Variants in SLC6A15 observed in about 807,000 individuals in gnomAD.
The protein encoded by SLC6A15 is solute carrier family 6 member 15.
Under a neutral mutation model 68.5 loss-of-function variants are expected in SLC6A15, and 33 were observed. That is an observed-to-expected ratio of 0.48 (90% confidence interval 0.37 to 0.64). SLC6A15 has a LOEUF of 0.64. Among genes scored for constraint, SLC6A15 ranks in the 30% least tolerant of loss-of-function variants. The pLI is 0.00. For synonymous variants in SLC6A15, 347 were observed against 301.0 expected, an observed-to-expected ratio of 1.15 and a Z score of -1.58; for missense variants, 747 against 874.3, an observed-to-expected ratio of 0.85 and a Z score of 1.84.
intron 5 of SLC6A15, chr12:84,882,341 G>C: frequency 3.0e-6 from 3 of 984,644 alleles, no homozygotes; most frequent in Non-Finnish European, 3.6e-6. Context: ...TGAACAATTC[G>C]AAGTTATTTA....
Position 84,872,786 on chromosome 12 carries a change from T to C in SLC6A15, c.1118A>G (p.Glu373Gly). The change falls in exon 8 of 12, where the codon GAG becomes GGG. Residue 373 changes from glutamate (E) to glycine (G), a missense_variant. Physicochemically the swap from Glu to Gly is moderately conservative, Grantham distance 98 (BLOSUM62 -2). Transcript: ENST00000266682. Reference sequence around the variant, plus strand: ...CATTTTCAAAAATTTCATGATCGTCTCTGAATTTCTGAAAAATAAAACAAC... The same window carrying C: ...CATTTTCAAAAATTTCATGATCGTCCCTGAATTTCTGAAAAATAAAACAAC... ...INEKCITQNS[E>G]TIMKFLKMGN... 6.3e-7 allele frequency: 1 copy of C among 1,599,104 alleles called. No homozygotes were observed. Among genetic ancestry groups the C allele is most frequent in the African/African-American group, 1.3e-5 (1 of 74,090 alleles).
intron 2 of SLC6A15, among the ~76,000 whole-genome samples, chr12:84,887,553 G>T (rs1340882705): frequency 6.6e-6 from 1 of 152,162 alleles, no homozygotes; most frequent in East Asian, 1.9e-4. Flanking sequence ...AAAATTGGAT[G>T]CATGAGCTTA....
intron 5 of SLC6A15, chr12:84,881,211 A>C (rs1871805316): frequency 6.4e-6 from 1 of 155,216 alleles, no homozygotes. Context: ...TAACTAGGGC[A>C]CATGCTACCT....
rs866132591 is a variant in SLC6A15, at chr12:84,870,625, T to C, written c.1348A>G (p.Met450Val). ...AAGGGAGATGCAGGAAAATGTGTCATCGCTTCTGTAAAGGCAATAAAAGCT... is the reference window on the plus strand; with the variant it reads ...AAGGGAGATGCAGGAAAATGTGTCACCGCTTCTGTAAAGGCAATAAAAGCT... ...GLAFIAFTEA[M>V]THFPASPFWS... is the part of the protein sequence containing the mutation. Residue 450 changes from methionine to valine, a missense_variant, in exon 9 of 12, where the codon ATG (methionine) becomes GTG (valine). Transcript: ENST00000266682. The C allele has an allele frequency of 3.1e-6, 5 of 1,612,108 alleles. No individual in the cohort carries two copies. The highest frequency in any genetic ancestry group is 1.3e-5 in the African/African-American group (1 of 74,836).
intron 5 of SLC6A15, among the ~76,000 whole-genome samples, chr12:84,878,648 T>C (rs1871671785): frequency 6.6e-6 from 1 of 152,046 alleles, no homozygotes; most frequent in Non-Finnish European, 1.5e-5. Flanking sequence ...AATTTTGTTT[T>C]AATTTTATAT....
At chr12:84,879,051 T>C (rs149495049) in intron 5 of SLC6A15, among the ~76,000 whole-genome samples, 3 of 152,026 alleles carry the variant, frequency 2.0e-5, no homozygotes, top group South Asian at 4.2e-4. Context: ...AGCCCATCAT[T>C]TTACAAGAGT....
Position 84,883,277 on chromosome 12 carries a change from C to G in SLC6A15, c.756+582G>C, listed in dbSNP as rs148719510. ...CACTTAATGTCTTTTTAAACCACAA[C>G]CATTCTAATTTTCAATTTGCCTTAG... On this transcript the variant is annotated intron_variant, in intron 5 of 11. Coordinates refer to ENST00000266682, the MANE Select transcript of SLC6A15 (RefSeq NM_182767.6). The G allele has an allele frequency of 1.4e-3, 1,387 of 985,570 alleles. 13 individuals are homozygous for G. In the African/African-American group the frequency reaches 0.022, roughly 15 times the overall value. The allele number at this position is 985,570 out of a possible 1,614,324, so 61.1% of individuals were successfully genotyped here. A position where few individuals can be genotyped will look rare whatever the true frequency, so the allele number is the denominator to read the frequency against.
chr12:84,896,350 C>G (rs1026991392), intron 1 of SLC6A15, among the ~76,000 whole-genome samples: 1 of 151,864 alleles, frequency 6.6e-6, no homozygotes, highest in Non-Finnish European at 1.5e-5. Context: ...GGACCAAATA[C>G]AACCCACCAT....
chr12:84,911,736 A>T (rs1171293680), intron 1 of SLC6A15, among the ~76,000 whole-genome samples: 2 of 152,156 alleles, frequency 1.3e-5, no homozygotes, highest in African/African-American at 2.4e-5. Context: ...AGTCACACAC[A>T]GACCAGCCTA....
chr12:84,866,938 A>G, intron 10 of SLC6A15, 96 bp downstream of exon 10: 1 of 1,091,416 alleles, frequency 9.2e-7, no homozygotes, highest in Non-Finnish European at 1.3e-6. Context: ...TGTTCCCTCT[A>G]TTCATTTATT....
At chr12:84,899,558 TTGTTTCTTTGAGCTCCTG>T (rs1872765885) in intron 1 of SLC6A15, among the ~76,000 whole-genome samples, 1 of 152,156 alleles carries the variant, frequency 6.6e-6, no homozygotes, top group Non-Finnish European at 1.5e-5. Context: ...AAGCATCCCA[TTGTTTCTTTGAGCTCCTG>T]TGACTGCCAA....
chr12:84,893,490 A>G (rs1318774215), intron 1 of SLC6A15, among the ~76,000 whole-genome samples: 2 of 152,112 alleles, frequency 1.3e-5, no homozygotes, highest in African/African-American at 4.8e-5. Context: ...AAGTAAATAT[A>G]TAAGACATGT....
intron 1 of SLC6A15, among the ~76,000 whole-genome samples, chr12:84,899,840 G>C (rs1274171745): frequency 6.6e-6 from 1 of 151,710 alleles, no homozygotes; most frequent in African/African-American, 2.4e-5. Flanking sequence ...AATCTATTTT[G>C]AAGCACTTAA....
At position 84,861,668 on chromosome 12, in the gene SLC6A15, T is replaced by A; in HGVS notation, c.2157A>T (p.Ala719=). The change falls in exon 12 of 12, where the codon GCA becomes GCT. Residue 719 remains alanine, a synonymous_variant. Transcript: ENST00000266682. ...ATTCTGGCATATCTGGCATAATATC[T>A]GCCATCAAGTACCCTATTCCATACC... ...NGRYGIGYLM[A]DIMPDMPESD... 6.2e-7 allele frequency: 1 copy of A among 1,605,328 alleles called. No individual in the cohort carries two copies.
rs867818934 is a variant in SLC6A15 at position 84,885,850 on chromosome 12, T to C, written c.447+61A>G. ...CACACTCCAAAGTTTCATTTAAATG[T>C]TAATTATATAATTTGAAACCCTATA... On this transcript the variant is annotated intron_variant, in intron 3 of 11. Coordinates refer to ENST00000266682, the MANE Select transcript of SLC6A15 (RefSeq NM_182767.6). 6.2e-5 allele frequency: 90 copies of C among 1,459,960 alleles called. 2 individuals carry two copies. In the Middle Eastern group the frequency reaches 2.5e-3, roughly 41 times the overall value. The allele number at this position is 1,459,960 out of a possible 1,614,324, so 90.4% of individuals were successfully genotyped here.
In SLC6A15 at chr12:84,869,295, TA is replaced by T. The variant is rs538569219; in HGVS notation, c.1495+1182del. Among the ~76,000 whole-genome samples, 10 of 151,390 alleles carry T rather than the reference TA, an allele frequency of 6.6e-5. No homozygotes were observed. In the East Asian group the frequency reaches 2.0e-3, roughly 30 times the overall value. On this transcript the variant is annotated intron_variant, in intron 9 of 11. Transcript: ENST00000266682. ...TAACACGGTGAAACCCCGTCTCTAT[TA>T]AAAAAAATACAAAAAATTAGCCAAG...
chr12:84,898,331 T>G (rs1449631633), intron 1 of SLC6A15, among the ~76,000 whole-genome samples: 2 of 152,114 alleles, frequency 1.3e-5, no homozygotes, highest in Non-Finnish European at 1.5e-5. Context: ...CAGAGTGAGA[T>G]CTGTCTTAAA....
chr12:84,875,785 C>T (rs538110730), intron 6 of SLC6A15, among the ~76,000 whole-genome samples: 5 of 145,796 alleles, frequency 3.4e-5, no homozygotes, highest in Admixed American at 7.0e-5. Context: ...TAAGTGGGCC[C>T]ACCGTTGAGT....
At chr12:84,891,726 G>T (rs1565729472) in intron 2 of SLC6A15, 106 bp downstream of exon 2, 5 of 1,191,534 alleles carry the variant, frequency 4.2e-6, no homozygotes, top group Non-Finnish European at 5.9e-6. Flanking sequence ...GCTTTACAAT[G>T]AAATTGAAAG....
Sources: gnomAD v4.1 joint callset for allele counts (sites outside exome capture counted in the v4.1 genomes callset) on GRCh38, gnomAD v4.1.1 for gene constraint, MANE v1.5 for transcripts, NCBI Gene and HGNC (gene_info 2026-07-23, HGNC 2026-07-21) for gene names.